The following CREBBP variants were observed in gnomAD, a reference collection of about 807,000 sequenced individuals.
CREBBP encodes the protein CREB binding lysine acetyltransferase.
CREBBP carries 19 observed loss-of-function variants against 265.0 expected under a neutral mutation model. That is an observed-to-expected ratio of 0.07 (90% CI 0.05 to 0.11). CREBBP has a LOEUF of 0.11. CREBBP is among the 10% of genes least tolerant of loss of function. CREBBP has a pLI of 1.00. For missense variants in CREBBP, 2,525 were observed against 3,219.0 expected (o/e 0.78, Z 5.22); for synonymous variants, 1,457 against 1,223.7 (o/e 1.19, Z -3.98).
intron 16 of CREBBP, among the ~76,000 whole-genome samples, chr16:3,765,373 A>C (rs752664153): frequency 6.6e-6 from 1 of 152,250 alleles, no homozygotes; most frequent in South Asian, 2.1e-4. Flanking sequence ...TGGCCACATC[A>C]GGAGGCAGTA....
chr16:3,860,111 A>G (rs1182451396), intron 1 of CREBBP, among the ~76,000 whole-genome samples: 1 of 151,658 alleles, frequency 6.6e-6, no homozygotes, highest in Non-Finnish European at 1.5e-5. Flanking sequence ...CCGAGTGCCT[A>G]CTCGGTGTGT....
chr16:3,782,612 T>C, intron 6 of CREBBP, 72 bp downstream of exon 6: 1 of 1,566,420 alleles, frequency 6.4e-7, no homozygotes. Flanking sequence ...AAAACTGCCT[T>C]GGGTTCCATC....
chr16:3,772,477 G>A (rs1245913893), intron 13 of CREBBP, among the ~76,000 whole-genome samples: 2 of 152,096 alleles, frequency 1.3e-5, no homozygotes, highest in Non-Finnish European at 2.9e-5. Flanking sequence ...TTCTAGAGCA[G>A]GGGTTGGCAA....
intron 3 of CREBBP, among the ~76,000 whole-genome samples, chr16:3,794,358 A>AAAAAAAAG (rs2053565968): frequency 6.7e-6 from 1 of 150,044 alleles, no homozygotes; most frequent in Non-Finnish European, 1.5e-5. Flanking sequence ...AAAAAAAAAA[A>AAAAAAAAG]AAAAAAAGAT....
intron 19 of CREBBP, among the ~76,000 whole-genome samples, chr16:3,753,837 C>CCT (rs2052528935): frequency 6.6e-6 from 1 of 152,176 alleles, no homozygotes. Context: ...CTATGGCCAA[C>CCT]TAGAAGGGAC....
At chr16:3,879,159 C>CT in intron 1 of CREBBP, among the ~76,000 whole-genome samples, 1 of 152,108 alleles carries the variant, frequency 6.6e-6, no homozygotes, top group Non-Finnish European at 1.5e-5. Flanking sequence ...ACCACAGCAA[C>CT]TTTCATGACA....
At chr16:3,791,216 T>A (rs1398304196) in intron 5 of CREBBP, 1 of 152,800 alleles carries the variant, frequency 6.5e-6, no homozygotes, top group African/African-American at 2.4e-5. Flanking sequence ...GGAAGATGGT[T>A]GAAAAACGGG....
At chr16:3,739,861 G>C in intron 24 of CREBBP, 137 bp from the exon 25 acceptor site, 1 of 1,236,534 alleles carries the variant, frequency 8.1e-7, no homozygotes, top group Non-Finnish European at 1.2e-6. Context: ...GTGGCCTGGA[G>C]TCCTCCCTAT....
rs2054769842 is a variant in CREBBP at position 3,849,448 on chromosome 16, T to TGTGTGTGTGTGTGTG, written c.798+834_798+848dup. ...GTGTGTGTGTGTGTGTGTGTGTGTG[T>TGTGTGTGTGTGTGTG]GTGTGTGTGTGTGTGTGTGTGTGTG... On this transcript the variant is annotated intron_variant, in intron 2 of 30. Transcript: ENST00000262367. 7.9e-5 allele frequency among the ~76,000 whole-genome samples: 4 copies of TGTGTGTGTGTGTGTG among 50,360 alleles called. 1 individual carries two copies. The highest frequency in any genetic ancestry group is 2.0e-4 in the Admixed American group (1 of 4,896). The allele number at this position is 50,360 out of a possible 152,430, so 33.0% of individuals were successfully genotyped here. A position where few individuals can be genotyped will look rare whatever the true frequency, so the allele number is the denominator to read the frequency against.
intron 28 of CREBBP, among the ~76,000 whole-genome samples, chr16:3,732,387 A>G (rs1399289827): frequency 6.6e-6 from 1 of 151,992 alleles, no homozygotes; most frequent in Non-Finnish European, 1.5e-5. Flanking sequence ...CCCCATCAAG[A>G]GCAGGGACTC....
chr16:3,736,051 G>A lies in CREBBP; in HGVS notation c.4713C>T (p.Ala1571=), dbSNP rs1252515383. Residue 1571 remains alanine (A), a synonymous_variant, in exon 28 of 31, where the codon GCC becomes GCT. Transcript: ENST00000262367. ...GGGTCTGTACCTCAGTGGTTTCACT[G>A]GCTGCAGTGCTCTCTTCCTTTTTCC... ...EERKKEESTA[A]SETTEGSQGD... is the part of the protein sequence containing the mutation. 8 of 1,614,204 alleles carry A rather than the reference G, an allele frequency of 5.0e-6. No homozygotes were observed. The highest frequency in any genetic ancestry group is 5.9e-6 in the Non-Finnish European group (7 of 1,180,040).
chr16:3,754,361 T>G (rs1171247692), intron 19 of CREBBP, among the ~76,000 whole-genome samples: 1 of 152,176 alleles, frequency 6.6e-6, no homozygotes, highest in Non-Finnish European at 1.5e-5. Flanking sequence ...GCCCCTACCT[T>G]CTTACCTAGT....
chr16:3,731,114 G>C lies in CREBBP; in HGVS notation c.5172+78C>G, dbSNP rs951219437. ...CACCATCAGGTACAGACACCAACCC[G>C]GGCACCCATGCAAAGGGACAGGATG... On this transcript the variant is annotated intron_variant, in intron 30 of 30. Coordinates refer to ENST00000262367, the MANE Select transcript of CREBBP (RefSeq NM_004380.3). The surrounding 1 kb of genome is among the most constrained non-coding windows in gnomAD (Gnocchi z 7.7). 6.7e-6 allele frequency: 10 copies of C among 1,483,542 alleles called. No individual in the cohort carries two copies. The highest frequency in any genetic ancestry group is 3.7e-6 in the Non-Finnish European group (4 of 1,083,312). The allele number at this position is 1,483,542 out of a possible 1,614,324, so 91.9% of individuals were successfully genotyped here. A position where few individuals can be genotyped will look rare whatever the true frequency, so the allele number is the denominator to read the frequency against.
At chr16:3,879,746 T>C in intron 1 of CREBBP, 86 bp downstream of exon 1, 9 of 1,407,434 alleles carry the variant, frequency 6.4e-6, no homozygotes, top group South Asian at 1.2e-5. Context: ...TCGATCGGTA[T>C]CCGCGACCAC....
chr16:3,795,039 CTGTTT>C (rs1289300517), intron 3 of CREBBP, among the ~76,000 whole-genome samples: 1 of 152,122 alleles, frequency 6.6e-6, no homozygotes, highest in Non-Finnish European at 1.5e-5. Flanking sequence ...ATAGAGTTTT[CTGTTT>C]TGATTTTACC....
rs1340599929 is a variant in CREBBP at position 3,740,396 on chromosome 16, G to T, written c.4133+3C>A. ...GAGCACTGTAGAGAGCAGGCACACT[G>T]ACCGTGACTTCATCCCGGGCTTGAC... On this transcript the variant is annotated splice_donor_region_variant and intron_variant, in intron 24 of 30. Transcript: ENST00000262367. The T allele has an allele frequency of 6.2e-7, 1 of 1,614,010 alleles. No individual in the cohort carries two copies. Among genetic ancestry groups the T allele is most frequent in the African/African-American group, 1.3e-5 (1 of 74,938 alleles).
chr16:3,772,600 T>C (rs1251973442), intron 13 of CREBBP, among the ~76,000 whole-genome samples: 1 of 152,122 alleles, frequency 6.6e-6, no homozygotes, highest in African/African-American at 2.4e-5. Context: ...ACAGAAGTGA[T>C]GAAAACCAAG....
chr16:3,859,349 CA>C (rs2055026611), intron 1 of CREBBP, among the ~76,000 whole-genome samples: 2 of 152,126 alleles, frequency 1.3e-5, no homozygotes, highest in Admixed American at 6.5e-5. Context: ...CATACCACCA[CA>C]CCCGGCTAAT....
At chr16:3,737,797 CT>C (rs368305397) in intron 26 of CREBBP, among the ~76,000 whole-genome samples, 1 of 149,952 alleles carries the variant, frequency 6.7e-6, no homozygotes, top group Non-Finnish European at 1.5e-5. Flanking sequence ...TTTCTTTTTT[CT>C]TTTTTTGAGA....
Sources: allele counts gnomAD v4.1 joint callset (sites outside exome capture counted in the v4.1 genomes callset), GRCh38; gene constraint gnomAD v4.1.1; non-coding constraint Gnocchi (gnomAD v3.1); transcripts MANE v1.5; gene names NCBI Gene and HGNC (gene_info 2026-07-23, HGNC 2026-07-21).